Variants in LYN observed in about 807,000 individuals in gnomAD.
The protein encoded by LYN is LYN proto-oncogene, Src family tyrosine kinase, also known as tyrosine-protein kinase Lyn.
In LYN, 12 loss-of-function variants were observed where a neutral mutation model predicts 65.0. That is an observed-to-expected ratio of 0.18 (90% CI 0.12 to 0.30). The LOEUF is 0.30. Among genes scored for constraint, LYN ranks in the 10% least tolerant of loss-of-function variants. The pLI is 1.00. For missense variants in LYN, 380 were observed against 623.2 expected (o/e 0.61, Z 4.16); for synonymous variants, 222 against 221.2 (o/e 1.00, Z -0.03).
intron 12 of LYN, among the ~76,000 whole-genome samples, chr8:56,005,534 C>T (rs564962077): frequency 6.6e-6 from 1 of 152,202 alleles, no homozygotes; most frequent in Admixed American, 6.5e-5. Context: ...CCGCCTTGCC[C>T]GTTGTCAGTG....
chr8:56,000,648 A>T (rs1484057530), intron 12 of LYN, among the ~76,000 whole-genome samples: 2 of 148,826 alleles, frequency 1.3e-5, no homozygotes, highest in African/African-American at 5.0e-5. Flanking sequence ...GAATCACTTC[A>T]ACCTGGGAAG....
intron 10 of LYN, among the ~76,000 whole-genome samples, chr8:55,978,502 T>A (rs911983479): frequency 6.6e-6 from 1 of 152,102 alleles, no homozygotes; most frequent in Non-Finnish European, 1.5e-5. Flanking sequence ...TGGACAGGCA[T>A]TTTAGTATAG....
In LYN at chr8:55,980,966, C is replaced by A. The variant is rs550888884; in HGVS notation, c.1050+11173C>A. On this transcript the variant is annotated intron_variant, in intron 10 of 12. Coordinates refer to ENST00000519728, the MANE Select transcript of LYN (RefSeq NM_002350.4). ...CCGCTTGCTAGCCCCTGGCCACCCCCGTGCTGTTCTCGGTCTCTGTGAATC... is the reference window on the plus strand; with the variant it reads ...CCGCTTGCTAGCCCCTGGCCACCCCAGTGCTGTTCTCGGTCTCTGTGAATC... Among the ~76,000 whole-genome samples the A allele has an allele frequency of 2.0e-5, 3 of 152,210 alleles. 1 individual carries two copies. Among genetic ancestry groups the A allele is most frequent in the Non-Finnish European group, 4.4e-5 (3 of 68,040 alleles).
At chr8:55,905,609 T>C (rs932570682) in intron 1 of LYN, among the ~76,000 whole-genome samples, 2 of 152,102 alleles carry the variant, frequency 1.3e-5, no homozygotes, top group Admixed American at 1.3e-4. Context: ...GAACCACAAA[T>C]GTCCCAGTTA....
intron 1 of LYN, among the ~76,000 whole-genome samples, chr8:55,884,357 G>A (rs909968756): frequency 2.6e-5 from 4 of 152,034 alleles, no homozygotes; most frequent in Admixed American, 6.6e-5. Flanking sequence ...TGCCCGTCTC[G>A]TCCTCACAAA....
At chr8:55,961,770 C>A (rs538506175) in intron 8 of LYN, among the ~76,000 whole-genome samples, 1 of 152,060 alleles carries the variant, frequency 6.6e-6, no homozygotes, top group African/African-American at 2.4e-5. Context: ...ACAGAAAATG[C>A]AAACACAAAT....
intron 1 of LYN, chr8:55,893,628 C>T (rs949652442): frequency 6.6e-6 from 1 of 152,168 alleles, no homozygotes; most frequent in African/African-American, 2.4e-5. Context: ...ATGCATCATT[C>T]AGAAAACACT....
chr8:55,907,309 T>TC (rs1407105623), intron 1 of LYN, among the ~76,000 whole-genome samples: 2 of 152,210 alleles, frequency 1.3e-5, no homozygotes, highest in Non-Finnish European at 2.9e-5. Flanking sequence ...AACTTTTTTT[T>TC]CACCTATAAC....
chr8:55,921,496 C>T lies in LYN; in HGVS notation c.-5-20359C>T, dbSNP rs190892461. Among the ~76,000 whole-genome samples, 269 of 152,212 alleles carry T rather than the reference C, an allele frequency of 1.8e-3. 4 individuals carry two copies. Among genetic ancestry groups the T allele is most frequent in the South Asian group, 6.0e-3 (29 of 4,824 alleles). ...ATAAGAGATGTCCTGGGGCTTGGGACGAAATTCCAAATTGATTGTGGAGAG... is the reference window on the plus strand; with the variant it reads ...ATAAGAGATGTCCTGGGGCTTGGGATGAAATTCCAAATTGATTGTGGAGAG... On this transcript the variant is annotated intron_variant, in intron 1 of 12. Coordinates refer to ENST00000519728, the MANE Select transcript of LYN (RefSeq NM_002350.4).
At chr8:55,913,627 A>C (rs1233984211) in intron 1 of LYN, among the ~76,000 whole-genome samples, 1 of 152,232 alleles carries the variant, frequency 6.6e-6, no homozygotes, top group Non-Finnish European at 1.5e-5. Context: ...AAACGCCCGT[A>C]ATGGGCTTGG....
chr8:55,893,964 A>T (rs180891125), intron 1 of LYN: 7 of 151,546 alleles, frequency 4.6e-5, no homozygotes, highest in African/African-American at 1.5e-4. Context: ...GTGCCACTGC[A>T]CCTGGCTTAG....
chr8:55,931,330 T>C (rs1040495651), intron 1 of LYN, among the ~76,000 whole-genome samples: 29 of 150,588 alleles, frequency 1.9e-4, no homozygotes, highest in Non-Finnish European at 2.8e-4. Context: ...ATAAAATACA[T>C]TGATACTTGT....
At chr8:55,979,078 G>C (rs1436894226) in intron 10 of LYN, among the ~76,000 whole-genome samples, 4 of 129,030 alleles carry the variant, frequency 3.1e-5, no homozygotes, top group African/African-American at 1.2e-4. Flanking sequence ...TTTTGAGATG[G>C]AGTTTTGCTC....
chr8:55,956,690 C>A (rs1434667275), intron 8 of LYN, among the ~76,000 whole-genome samples: 1 of 152,194 alleles, frequency 6.6e-6, no homozygotes, highest in Non-Finnish European at 1.5e-5. Context: ...TGTCCTCCTC[C>A]CTTGCTCCTT....
intron 1 of LYN, among the ~76,000 whole-genome samples, chr8:55,919,052 A>C (rs11781555): frequency 0.16 from 23,973 of 146,444 alleles, 2,562 homozygotes; most frequent in Non-Finnish European, 0.23. Context: ...AAAAAGTGAT[A>C]GTAGTCAGAC....
At chr8:55,910,132 G>A (rs2130403739) in intron 1 of LYN, among the ~76,000 whole-genome samples, 1 of 151,966 alleles carries the variant, frequency 6.6e-6, no homozygotes, top group East Asian at 1.9e-4. Flanking sequence ...CTTTTGCTGT[G>A]CAAAGCTTTT....
At chr8:55,969,365 G>T (rs1343995568) in intron 9 of LYN, among the ~76,000 whole-genome samples, 1 of 152,206 alleles carries the variant, frequency 6.6e-6, no homozygotes, top group African/African-American at 2.4e-5. Flanking sequence ...TGTCTGCAGA[G>T]GGCAGGCCTT....
chr8:55,911,981 C>T (rs965868855), intron 1 of LYN, among the ~76,000 whole-genome samples: 1 of 152,008 alleles, frequency 6.6e-6, no homozygotes, highest in Non-Finnish European at 1.5e-5. Context: ...TCAATATCGT[C>T]GTGGTGTGTT....
chr8:55,924,654 G>A (rs566206773), intron 1 of LYN, among the ~76,000 whole-genome samples: 75 of 152,062 alleles, frequency 4.9e-4, no homozygotes, highest in Non-Finnish European at 8.2e-4. Flanking sequence ...ATGAGCCACC[G>A]CGCCCAGCTG....
Sources: gnomAD v4.1 joint callset for allele counts (sites outside exome capture counted in the v4.1 genomes callset) on GRCh38, gnomAD v4.1.1 for gene constraint, MANE v1.5 for transcripts, NCBI Gene and HGNC (gene_info 2026-07-23, HGNC 2026-07-21) for gene names.